The following INPP4B variants were observed in gnomAD, a reference collection of about 807,000 sequenced individuals.
INPP4B encodes the protein inositol polyphosphate-4-phosphatase type II B, also known as inositol polyphosphate 4-phosphatase type II.
Under a neutral mutation model 122.5 loss-of-function variants are expected in INPP4B, and 55 were observed. That is an observed-to-expected ratio of 0.45 (90% CI 0.36 to 0.56). INPP4B has a LOEUF of 0.56. Among genes scored for constraint, INPP4B ranks in the 20% least tolerant of loss-of-function variants. The pLI is 0.00. For missense variants in INPP4B, 1,000 were observed against 1,097.7 expected (o/e 0.91, Z 1.26); for synonymous variants, 403 against 388.7 (o/e 1.04, Z -0.43).
chr4:142,718,348 G>T (rs1764073576), intron 2 of INPP4B, among the ~76,000 whole-genome samples: 1 of 152,150 alleles, frequency 6.6e-6, no homozygotes, highest in African/African-American at 2.4e-5. Context: ...TTTAAAACTG[G>T]CGGGCTCTCT....
chr4:142,707,623 C>T (rs1263529730), intron 2 of INPP4B, among the ~76,000 whole-genome samples: 1 of 152,236 alleles, frequency 6.6e-6, no homozygotes, highest in Non-Finnish European at 1.5e-5. Context: ...TTCCTCTTGG[C>T]CTTCTGCCAT....
At chr4:142,740,039 T>C (rs1767678798) in intron 1 of INPP4B, among the ~76,000 whole-genome samples, 1 of 152,116 alleles carries the variant, frequency 6.6e-6, no homozygotes, top group Admixed American at 6.6e-5. Flanking sequence ...TAAAACATAG[T>C]ATACAAATTT....
intron 2 of INPP4B, among the ~76,000 whole-genome samples, chr4:142,717,884 TATAATA>T (rs1380276597): frequency 9.4e-6 from 1 of 106,080 alleles, no homozygotes; most frequent in Non-Finnish European, 1.9e-5. Flanking sequence ...GAACTTAACA[TATAATA>T]ATAAGAAAAA....
At chr4:142,316,310 C>T (rs1036359982) in intron 7 of INPP4B, among the ~76,000 whole-genome samples, 1 of 152,058 alleles carries the variant, frequency 6.6e-6, no homozygotes, top group African/African-American at 2.4e-5. Context: ...GCTGCATTAA[C>T]ATTTTTTGGC....
intron 7 of INPP4B, among the ~76,000 whole-genome samples, chr4:142,321,026 T>C (rs902479379): frequency 6.6e-5 from 10 of 152,342 alleles, no homozygotes; most frequent in Non-Finnish European, 1.2e-4. Context: ...ACTTTTAGTA[T>C]GTTAAGGAAT....
At chr4:142,842,621 T>A (rs1783642918) in intron 1 of INPP4B, among the ~76,000 whole-genome samples, 1 of 135,464 alleles carries the variant, frequency 7.4e-6, no homozygotes, top group Non-Finnish European at 1.5e-5. Context: ...TATAATATAT[T>A]TATATATAAT....
intron 2 of INPP4B, among the ~76,000 whole-genome samples, chr4:142,716,614 C>T (rs757491982): frequency 6.6e-6 from 1 of 152,188 alleles, no homozygotes; most frequent in Non-Finnish European, 1.5e-5. Context: ...GCTCAGGGCA[C>T]GTGCCCAATC....
chr4:142,747,891 G>C (rs1464072429), intron 1 of INPP4B, among the ~76,000 whole-genome samples: 1 of 152,014 alleles, frequency 6.6e-6, no homozygotes, highest in Non-Finnish European at 1.5e-5. Context: ...AGCTGGGGAA[G>C]GGATACCATT....
At chr4:142,108,531 T>C (rs1007041198) in intron 22 of INPP4B, among the ~76,000 whole-genome samples, 1 of 152,192 alleles carries the variant, frequency 6.6e-6, no homozygotes, top group Non-Finnish European at 1.5e-5. Flanking sequence ...CATCCCTGTA[T>C]GTGTTTTAAA....
intron 1 of INPP4B, among the ~76,000 whole-genome samples, chr4:142,745,776 G>A (rs1403246370): frequency 6.6e-6 from 1 of 151,814 alleles, no homozygotes; most frequent in Non-Finnish European, 1.5e-5. Context: ...AGCTGTTGTG[G>A]TTATGTTAAT....
chr4:142,325,957 A>G (rs772638498), intron 7 of INPP4B, among the ~76,000 whole-genome samples: 40 of 152,322 alleles, frequency 2.6e-4, no homozygotes, highest in Non-Finnish European at 5.3e-4. Context: ...TGGCAACAAT[A>G]TCTGTAGACA....
intron 4 of INPP4B, among the ~76,000 whole-genome samples, chr4:142,430,652 A>G: frequency 6.6e-6 from 1 of 152,124 alleles, no homozygotes; most frequent in East Asian, 1.9e-4. Flanking sequence ...GTTCACATGC[A>G]AACTTGGCCA....
chr4:142,319,721 C>T (rs575918117), intron 7 of INPP4B, among the ~76,000 whole-genome samples: 2 of 152,322 alleles, frequency 1.3e-5, no homozygotes, highest in South Asian at 2.1e-4. Context: ...CCAGTCTTTA[C>T]GTGGTGGCTG....
intron 1 of INPP4B, among the ~76,000 whole-genome samples, chr4:142,780,932 T>C (rs1561061239): frequency 6.6e-6 from 1 of 152,222 alleles, no homozygotes; most frequent in Non-Finnish European, 1.5e-5. Context: ...GAATATAAAA[T>C]TAATGAGAAT....
At chr4:142,828,186 A>G (rs1264745053) in intron 1 of INPP4B, among the ~76,000 whole-genome samples, 2 of 152,182 alleles carry the variant, frequency 1.3e-5, no homozygotes, top group Non-Finnish European at 2.9e-5. Flanking sequence ...AAATTTAAAA[A>G]GGATAAGACA....
intron 12 of INPP4B, among the ~76,000 whole-genome samples, chr4:142,216,783 G>A (rs890990257): frequency 2.0e-5 from 3 of 152,054 alleles, no homozygotes; most frequent in Non-Finnish European, 4.4e-5. Context: ...AAGAGAAAAT[G>A]AGATTAAAAA....
chr4:142,652,741 T>C (rs902737080), intron 2 of INPP4B, among the ~76,000 whole-genome samples: 1 of 152,228 alleles, frequency 6.6e-6, no homozygotes, highest in Non-Finnish European at 1.5e-5. Flanking sequence ...GAACATTCCA[T>C]GCTCATGGAT....
At chr4:142,630,774 G>C (rs1474030294) in intron 2 of INPP4B, among the ~76,000 whole-genome samples, 1 of 152,012 alleles carries the variant, frequency 6.6e-6, no homozygotes, top group Non-Finnish European at 1.5e-5. Context: ...ATGGAATTGA[G>C]GTACAGTACA....
At chr4:142,728,653 G>A (rs779296925) in intron 1 of INPP4B, among the ~76,000 whole-genome samples, 13 of 152,064 alleles carry the variant, frequency 8.5e-5, no homozygotes, top group Non-Finnish European at 1.5e-4. Context: ...TGACAAGACA[G>A]GCAGAGATTG....
Sources: gnomAD v4.1 joint callset for allele counts (sites outside exome capture counted in the v4.1 genomes callset) on GRCh38, gnomAD v4.1.1 for gene constraint, MANE v1.5 for transcripts, NCBI Gene and HGNC (gene_info 2026-07-23, HGNC 2026-07-21) for gene names.